Variants in KCNQ2 observed in about 807,000 individuals in gnomAD.
The protein encoded by KCNQ2 is potassium voltage-gated channel subfamily Q member 2, also known as potassium voltage-gated channel subfamily KQT member 2.
Under a neutral mutation model 84.8 loss-of-function variants are expected in KCNQ2, and 14 were observed. The ratio of observed to expected loss-of-function variants is 0.17; its 90% confidence interval spans 0.11 to 0.26. The LOEUF (loss-of-function observed/expected upper bound fraction) is 0.26, where lower values mean the gene tolerates loss of function less well. Ranked by LOEUF, KCNQ2 falls within the 10% of genes least tolerant of loss-of-function variation. The pLI, the probability that KCNQ2 is intolerant of heterozygous loss-of-function variation, is 1.00. For missense variants in KCNQ2, 788 were observed against 1,254.0 expected, an observed-to-expected ratio of 0.63 and a Z score of 5.61; for synonymous variants, 599 against 554.1, an observed-to-expected ratio of 1.08 and a Z score of -1.14.
chr20:63,424,605 G>A (rs2080573243), intron 10 of KCNQ2: 2 of 228,198 alleles, frequency 8.8e-6, no homozygotes, highest in African/African-American at 4.5e-5. Context: ...TCGAGACAGA[G>A]TGAGCTGCTC....
rs1025555607 is a variant in KCNQ2 at position 63,400,280 on chromosome 20, G to A, written c.*6364C>T. 1 of 230,408 alleles carries A rather than the reference G, an allele frequency of 4.3e-6. No individual in the cohort carries two copies. Among genetic ancestry groups the A allele is most frequent in the African/African-American group, 2.3e-5 (1 of 44,262 alleles). The allele number at this position is 230,408 out of a possible 1,614,324, so 14.3% of individuals were successfully genotyped here. ...GTCCGAACTCGTCCCCGTGGCAGCA[G>A]GGATCCCCAGAACCTTCCACGGCCA... is the stretch of plus-strand genomic sequence containing the variant. On this transcript the variant is annotated 3_prime_UTR_variant, in exon 17 of 17. Coordinates refer to ENST00000359125, the MANE Select transcript of KCNQ2 (RefSeq NM_172107.4). The surrounding 1 kb of genome is among the most constrained non-coding windows in gnomAD (Gnocchi z 8.7).
chr20:63,425,964 A>G lies in KCNQ2; in HGVS notation c.1218-1758T>C, dbSNP rs982333913. 1.3e-5 allele frequency among the ~76,000 whole-genome samples: 2 copies of G among 152,144 alleles called. No individual in the cohort carries two copies. Among genetic ancestry groups the G allele is most frequent in the East Asian group, 1.9e-4 (1 of 5,186 alleles). ...GGGGCCGCCGGCCACCACGTTTCCAATCCGGCGGGGCAAACTCCACGTGGC... is the reference window on the plus strand; with the variant it reads ...GGGGCCGCCGGCCACCACGTTTCCAGTCCGGCGGGGCAAACTCCACGTGGC... On this transcript the variant is annotated intron_variant, in intron 10 of 16. Transcript: ENST00000359125. This position sits in a 1 kb window ranked among gnomAD's most constrained non-coding sequence, Gnocchi z 5.5.
chr20:63,444,753 C>T lies in KCNQ2; in HGVS notation c.596G>A (p.Ser199Asn). The T allele has an allele frequency of 6.2e-7, 1 of 1,606,074 alleles. No homozygotes were observed. The highest frequency in any genetic ancestry group is 8.5e-7 in the Non-Finnish European group (1 of 1,177,510). ...GNVFATSALR[S>N]LRFLQILRMI... Reference sequence around the variant, plus strand: ...CCGCAGAATCTGCAGGAAGCGCAGGCTCCGGAGCGCAGATGTGGCAAAGAC... The same window carrying T: ...CCGCAGAATCTGCAGGAAGCGCAGGTTCCGGAGCGCAGATGTGGCAAAGAC... The change falls in exon 4 of 17, where the codon AGC becomes AAC. Residue 199 changes from serine (S) to asparagine (N), a missense_variant. Around this residue, in one of 8 missense-constraint regions of KCNQ2, gnomAD observed 12 missense variants for 50.2 expected, o/e 0.24. Transcript: ENST00000359125.
At chr20:63,465,351 A>G (rs901822863) in intron 1 of KCNQ2, among the ~76,000 whole-genome samples, 1 of 152,264 alleles carries the variant, frequency 6.6e-6, no homozygotes, top group East Asian at 1.9e-4. Context: ...AAGGGGAAAC[A>G]GAGGGGCTTC....
At chr20:63,443,424 TCATCAC>T (rs1346469719) in intron 4 of KCNQ2, among the ~76,000 whole-genome samples, 13 of 36,728 alleles carry the variant, frequency 3.5e-4, no homozygotes, top group South Asian at 1.9e-3. Context: ...ATCACCACCA[TCATCAC>T]CATCACCATC....
At position 63,472,275 on chromosome 20, in the gene KCNQ2, G is replaced by T; in HGVS notation, c.189C>A (p.Gly63=). The stretch of plus-strand genomic sequence containing the variant: ...CGTTGCGCTTGGGGGGCTTCCCGGC[G>T]CCCGCGCCGCCCGCGCGAGGTTTGC... ...ILSKPRAGGA[G]AGKPPKRNAF... is the part of the protein sequence containing the mutation. The change falls in exon 1 of 17, where the codon GGC becomes GGA. Residue 63 remains glycine, a synonymous_variant. Transcript: ENST00000359125. 1 of 1,536,988 alleles carries T rather than the reference G, an allele frequency of 6.5e-7. No individual in the cohort carries two copies.
intron 1 of KCNQ2, among the ~76,000 whole-genome samples, chr20:63,461,366 G>A (rs755065623): frequency 2.4e-4 from 37 of 152,162 alleles, no homozygotes; most frequent in Admixed American, 2.6e-4. Flanking sequence ...GAAGCCGGTC[G>A]TGTACCTTGC....
rs145995409 is a variant in KCNQ2, at chr20:63,434,175, G to T, written c.1024-272C>A. 590 of 519,280 alleles carry T rather than the reference G, an allele frequency of 1.1e-3. 4 individuals are homozygous for T. Among genetic ancestry groups the T allele is most frequent in the African/African-American group, 9.9e-3 (513 of 52,026 alleles). The allele number at this position is 519,280 out of a possible 1,614,324, so 32.2% of individuals were successfully genotyped here. ...TTGACTCGGGGCCCTGAGCGAGCTC[G>T]CAGGGAGGCTGTGTTCTTTCCTTTT... On this transcript the variant is annotated intron_variant, in intron 7 of 16. Transcript: ENST00000359125.
intron 15 of KCNQ2, chr20:63,410,104 GC>G (rs1369607333): frequency 4.9e-6 from 1 of 202,646 alleles, no homozygotes; most frequent in East Asian, 1.8e-4. Context: ...ATGCAATAGG[GC>G]CAGGAGGGCG....
chr20:63,439,486 C>T, intron 6 of KCNQ2, 112 bp downstream of exon 6: 1 of 806,908 alleles, frequency 1.2e-6, no homozygotes, highest in Non-Finnish European at 2.2e-6. Context: ...CTGCTGAGAG[C>T]TGCTCCTGCC....
At chr20:63,412,735 A>G (rs1380303600) in intron 15 of KCNQ2, among the ~76,000 whole-genome samples, 1 of 152,210 alleles carries the variant, frequency 6.6e-6, no homozygotes, top group Non-Finnish European at 1.5e-5. Flanking sequence ...AGAAACTGGT[A>G]CAGCCTTGGT....
In KCNQ2 at chr20:63,400,571, C is replaced by T. The variant is rs1460585539; in HGVS notation, c.*6073G>A. ...ATACAAAATGGTCAGAAGTGTACGT[C>T]GGTACTGAAGGCATTATGAAATGTT... On this transcript the variant is annotated 3_prime_UTR_variant, in exon 17 of 17. Transcript: ENST00000359125. This position sits in a 1 kb window ranked among gnomAD's most constrained non-coding sequence, Gnocchi z 8.7. The T allele has an allele frequency of 1.3e-5, 5 of 398,510 alleles. No homozygotes were observed. Among genetic ancestry groups the T allele is most frequent in the East Asian group, 1.1e-4 (3 of 28,082 alleles). The allele number at this position is 398,510 out of a possible 1,614,324, so 24.7% of individuals were successfully genotyped here.
intron 1 of KCNQ2, among the ~76,000 whole-genome samples, chr20:63,450,999 A>G (rs2145814853): frequency 6.6e-6 from 1 of 152,082 alleles, no homozygotes; most frequent in East Asian, 1.9e-4. Flanking sequence ...TTAGCCAGGC[A>G]TGGTGGCGCA....
chr20:63,462,192 C>T (rs2081973576), intron 1 of KCNQ2, among the ~76,000 whole-genome samples: 1 of 137,380 alleles, frequency 7.3e-6, no homozygotes, highest in Non-Finnish European at 1.5e-5. Flanking sequence ...GAGGAGGCTG[C>T]ATCTACCCCA....
intron 15 of KCNQ2, among the ~76,000 whole-genome samples, chr20:63,412,865 T>C (rs2080162678): frequency 6.6e-6 from 1 of 152,202 alleles, no homozygotes; most frequent in Non-Finnish European, 1.5e-5. Flanking sequence ...CTCGTGTGTA[T>C]ATCCTTGTTT....
chr20:63,403,318 C>G lies in KCNQ2; in HGVS notation c.*3326G>C, dbSNP rs1181842589. On this transcript the variant is annotated 3_prime_UTR_variant, in exon 17 of 17. Transcript: ENST00000359125. ...TTACTCCTTGTAGCCCCTCCCCAGG[C>G]AGCTTACACTCAGCAGGGTCAAAGA... is the stretch of plus-strand genomic sequence containing the variant. 2 of 152,338 alleles carry G rather than the reference C, an allele frequency of 1.3e-5. No homozygotes were observed. The allele number at this position is 152,338 out of a possible 1,614,324, so 9.4% of individuals were successfully genotyped here. A position where few individuals can be genotyped will look rare whatever the true frequency, so the allele number is the denominator to read the frequency against.
Position 63,400,943 on chromosome 20 carries a change from A to G in KCNQ2, c.*5701T>C, listed in dbSNP as rs2145442944. The G allele has an allele frequency of 5.0e-6, 2 of 398,110 alleles. No homozygotes were observed. The highest frequency in any genetic ancestry group is 1.3e-4 in the South Asian group (1 of 7,782). 24.7% of individuals were successfully genotyped at this position (398,110 alleles called of 1,614,324 possible). A position where few individuals can be genotyped will look rare whatever the true frequency, so the allele number is the denominator to read the frequency against. ...GCGACCTCAGGGAGTTCCTGTCCAC[A>G]TGCATTAAGGCAACGACTTTGTAAA... On this transcript the variant is annotated 3_prime_UTR_variant, in exon 17 of 17. Transcript: ENST00000359125. The surrounding 1 kb of genome is among the most constrained non-coding windows in gnomAD (Gnocchi z 8.7).
intron 7 of KCNQ2, among the ~76,000 whole-genome samples, chr20:63,436,279 C>A (rs1052264990): frequency 6.6e-6 from 1 of 152,188 alleles, no homozygotes; most frequent in Non-Finnish European, 1.5e-5. Flanking sequence ...CGCCTGTAAT[C>A]CCAGCACTTT....
chr20:63,465,070 C>T (rs2082047710), intron 1 of KCNQ2, among the ~76,000 whole-genome samples: 1 of 152,246 alleles, frequency 6.6e-6, no homozygotes, highest in Non-Finnish European at 1.5e-5. Flanking sequence ...CTGGCCTGGC[C>T]CCGGGAAGCG....
Sources: gnomAD v4.1 joint callset for allele counts (sites outside exome capture counted in the v4.1 genomes callset) on GRCh38, gnomAD v4.1.1 for gene constraint, gnomAD v4.1.1 regional missense constraint, Gnocchi (gnomAD v3.1) non-coding constraint, MANE v1.5 for transcripts, NCBI Gene and HGNC (gene_info 2026-07-23, HGNC 2026-07-21) for gene names.